Variants in MBNL1 observed in about 807,000 individuals in gnomAD.
MBNL1 encodes the protein muscleblind-like protein 1.
In MBNL1, 8 loss-of-function variants were observed where a neutral mutation model predicts 42.2. The ratio of observed to expected loss-of-function variants is 0.19; its 90% confidence interval spans 0.11 to 0.34. The LOEUF (loss-of-function observed/expected upper bound fraction) is 0.34. MBNL1 is among the 10% of genes least tolerant of loss of function. The pLI, the probability that MBNL1 is intolerant of heterozygous loss-of-function variation, is 1.00. For missense variants in MBNL1, 309 were observed against 495.3 expected, an observed-to-expected ratio of 0.62 and a Z score of 3.57; for synonymous variants, 169 against 173.9, an observed-to-expected ratio of 0.97 and a Z score of 0.22.
chr3:152,359,819 G>T (rs1445194553), intron 2 of MBNL1, among the ~76,000 whole-genome samples: 1 of 152,130 alleles, frequency 6.6e-6, no homozygotes, highest in Non-Finnish European at 1.5e-5. Flanking sequence ...TAAAAGCTAG[G>T]AGAGAGTTCA....
intron 1 of MBNL1, among the ~76,000 whole-genome samples, chr3:152,275,103 GT>G (rs1193707444): frequency 3.9e-5 from 6 of 152,098 alleles, no homozygotes; most frequent in South Asian, 2.1e-4. Context: ...CATTTTATTT[GT>G]TTCTGTGTTG....
intron 2 of MBNL1, among the ~76,000 whole-genome samples, chr3:152,307,156 A>C (rs922887909): frequency 4.6e-5 from 7 of 151,940 alleles, no homozygotes; most frequent in Non-Finnish European, 8.8e-5. Flanking sequence ...TGCCCAGCTA[A>C]TTTTTGCATT....
chr3:152,280,399 C>T (rs2047731826), intron 1 of MBNL1, among the ~76,000 whole-genome samples: 1 of 152,126 alleles, frequency 6.6e-6, no homozygotes, highest in Non-Finnish European at 1.5e-5. Flanking sequence ...TTGATATGTA[C>T]ACCATTTAGT....
At chr3:152,458,576 G>T (rs965830085) in intron 8 of MBNL1, 2 of 175,018 alleles carry the variant, frequency 1.1e-5, no homozygotes, top group African/African-American at 4.7e-5. Flanking sequence ...CCTCTCTCAG[G>T]TTAGCAGGCA....
At chr3:152,357,087 T>C (rs578046119) in intron 2 of MBNL1, among the ~76,000 whole-genome samples, 1 of 152,252 alleles carries the variant, frequency 6.6e-6, no homozygotes, top group Admixed American at 6.5e-5. Flanking sequence ...GATCATGTCA[T>C]CCTGAATTAT....
At chr3:152,296,194 A>G (rs193239337) in intron 1 of MBNL1, among the ~76,000 whole-genome samples, 1 of 152,320 alleles carries the variant, frequency 6.6e-6, no homozygotes, top group East Asian at 1.9e-4. Flanking sequence ...GATGCTAGCC[A>G]GGGCAGGGTC....
intron 2 of MBNL1, chr3:152,396,224 G>A (rs2097924446): frequency 3.0e-6 from 1 of 329,712 alleles, no homozygotes; most frequent in South Asian, 2.5e-5. Context: ...TCTACATTAT[G>A]GTGAGTGTTA....
chr3:152,435,921 T>C (rs945105338), intron 4 of MBNL1, among the ~76,000 whole-genome samples: 3 of 152,230 alleles, frequency 2.0e-5, no homozygotes, highest in Non-Finnish European at 4.4e-5. Flanking sequence ...TGAAGTTGTT[T>C]ATCAGATCAG....
At chr3:152,404,728 A>G (rs982705725) in intron 2 of MBNL1, among the ~76,000 whole-genome samples, 1 of 150,274 alleles carries the variant, frequency 6.7e-6, no homozygotes, top group East Asian at 1.9e-4. Context: ...ACAAAGATAT[A>G]TAACTTTTTC....
At chr3:152,394,975 C>T (rs2097864844) in intron 2 of MBNL1, among the ~76,000 whole-genome samples, 1 of 152,198 alleles carries the variant, frequency 6.6e-6, no homozygotes, top group African/African-American at 2.4e-5. Context: ...TCTGCTGCCT[C>T]AGCCTCCCGA....
At chr3:152,252,408 T>G (rs931578640) in intron 2 of MBNL1, among the ~76,000 whole-genome samples, 1 of 151,982 alleles carries the variant, frequency 6.6e-6, no homozygotes, top group Non-Finnish European at 1.5e-5. Context: ...ACATTTTTAT[T>G]GATTTAATTT....
intron 2 of MBNL1, among the ~76,000 whole-genome samples, chr3:152,338,854 T>G (rs954667739): frequency 2.6e-5 from 4 of 152,198 alleles, no homozygotes; most frequent in African/African-American, 7.2e-5. Context: ...TTGTGTGAGA[T>G]TCACATTAGT....
chr3:152,423,262 C>G (rs1179374798), intron 3 of MBNL1, among the ~76,000 whole-genome samples: 2 of 152,056 alleles, frequency 1.3e-5, no homozygotes, highest in Non-Finnish European at 2.9e-5. Flanking sequence ...ACCACTGATC[C>G]CACAGAAATA....
chr3:152,431,248 C>T (rs1008731563), intron 3 of MBNL1, among the ~76,000 whole-genome samples: 2 of 152,180 alleles, frequency 1.3e-5, no homozygotes, highest in Non-Finnish European at 2.9e-5. Context: ...AATAGTTCCC[C>T]TCCAGCTGTG....
At chr3:152,302,345 A>G (rs1051612205) in intron 2 of MBNL1, 3 of 152,168 alleles carry the variant, frequency 2.0e-5, no homozygotes, top group African/African-American at 7.2e-5. Context: ...TTAAATTTGA[A>G]TAAGAGGAAA....
chr3:152,288,480 T>G (rs945440676), intron 1 of MBNL1, among the ~76,000 whole-genome samples: 5 of 152,150 alleles, frequency 3.3e-5, no homozygotes, highest in Non-Finnish European at 5.9e-5. Context: ...TGCTTTGCAT[T>G]ATGTATAGCA....
intron 4 of MBNL1, among the ~76,000 whole-genome samples, chr3:152,436,017 T>C (rs2153792707): frequency 6.6e-6 from 1 of 152,302 alleles, no homozygotes; most frequent in Non-Finnish European, 1.5e-5. Context: ...CCTCTCTTCC[T>C]ATTTGGATAC....
intron 2 of MBNL1, among the ~76,000 whole-genome samples, chr3:152,312,564 T>C (rs2067414050): frequency 6.6e-6 from 1 of 152,246 alleles, no homozygotes; most frequent in Non-Finnish European, 1.5e-5. Context: ...ATTGTTCTTA[T>C]CTGAATGCCA....
chr3:152,328,157 G>C (rs1159340546), intron 2 of MBNL1, among the ~76,000 whole-genome samples: 1 of 152,052 alleles, frequency 6.6e-6, no homozygotes, highest in Non-Finnish European at 1.5e-5. Context: ...GTTTTGCCAA[G>C]ATTTATTAAG....
Sources: gnomAD v4.1 joint callset for allele counts (sites outside exome capture counted in the v4.1 genomes callset) on GRCh38, gnomAD v4.1.1 for gene constraint, MANE v1.5 for transcripts, NCBI Gene and HGNC (gene_info 2026-07-23, HGNC 2026-07-21) for gene names.